HAPLN1: variants seen among roughly 807,000 people sequenced by gnomAD.
The protein encoded by HAPLN1 is Cartilage link protein.
HAPLN1 carries 13 observed loss-of-function variants against 36.5 expected under a neutral mutation model. The observed-to-expected ratio is 0.36, with a 90% CI of 0.23 to 0.57. The LOEUF is 0.57. Among genes scored for constraint, HAPLN1 ranks in the 20% least tolerant of loss-of-function variants. The pLI is 0.83. For synonymous variants in HAPLN1, 202 were observed against 169.8 expected (o/e 1.19, Z -1.48); for missense variants, 407 against 439.7 (o/e 0.93, Z 0.66).
At chr5:83,716,798 G>A (rs1561328117) in intron 1 of HAPLN1, among the ~76,000 whole-genome samples, 1 of 152,190 alleles carries the variant, frequency 6.6e-6, no homozygotes. Flanking sequence ...TTGGGAGGCC[G>A]AGGCGGGTGG....
intron 2 of HAPLN1, among the ~76,000 whole-genome samples, chr5:83,654,949 C>G (rs1750171709): frequency 6.6e-6 from 1 of 152,174 alleles, no homozygotes; most frequent in Admixed American, 6.5e-5. Flanking sequence ...GCACTTAGGA[C>G]AATGGCTGAC....
chr5:83,710,566 A>C (rs1436645589), intron 1 of HAPLN1, among the ~76,000 whole-genome samples: 2 of 152,260 alleles, frequency 1.3e-5, no homozygotes, highest in East Asian at 3.9e-4. Flanking sequence ...AGTGGCTCTC[A>C]TGAAAAGGAG....
At chr5:83,654,759 A>T (rs58203104) in intron 2 of HAPLN1, among the ~76,000 whole-genome samples, 4,227 of 152,292 alleles carry the variant, frequency 0.028, 203 homozygotes, top group African/African-American at 0.097. Context: ...GGCATAGAGG[A>T]TATCATAGCA....
At chr5:83,651,488 A>C (rs1488566034) in intron 3 of HAPLN1, among the ~76,000 whole-genome samples, 3 of 131,994 alleles carry the variant, frequency 2.3e-5, no homozygotes, top group Non-Finnish European at 4.9e-5. Flanking sequence ...AAAGGTCACA[A>C]AAATGTACTT....
At chr5:83,656,464 TAAATA>T (rs1750219773) in intron 2 of HAPLN1, among the ~76,000 whole-genome samples, 1 of 135,060 alleles carries the variant, frequency 7.4e-6, no homozygotes, top group South Asian at 2.3e-4. Flanking sequence ...CATGGCAAAA[TAAATA>T]AAACTATGTA....
chr5:83,650,694 G>C (rs1750031988), intron 3 of HAPLN1, among the ~76,000 whole-genome samples: 1 of 146,928 alleles, frequency 6.8e-6, no homozygotes, highest in African/African-American at 2.6e-5. Context: ...GAGTGCAGTG[G>C]TGTGATCTCG....
chr5:83,674,489 A>T (rs1027260600), intron 1 of HAPLN1: 1 of 152,180 alleles, frequency 6.6e-6, no homozygotes, highest in African/African-American at 2.4e-5. Context: ...AAAGTTTGTC[A>T]TTGGAAGAAC....
At chr5:83,705,823 G>T in intron 1 of HAPLN1, among the ~76,000 whole-genome samples, 1 of 151,978 alleles carries the variant, frequency 6.6e-6, no homozygotes, top group Non-Finnish European at 1.5e-5. Context: ...TCGAAAGACT[G>T]CTAACTAGGG....
chr5:83,699,373 A>G (rs1408158549), intron 1 of HAPLN1, among the ~76,000 whole-genome samples: 1 of 152,218 alleles, frequency 6.6e-6, no homozygotes, highest in Non-Finnish European at 1.5e-5. Flanking sequence ...AAGGAAATGT[A>G]CAGTTCAGAT....
At chr5:83,665,784 T>C (rs2112587285) in intron 2 of HAPLN1, among the ~76,000 whole-genome samples, 1 of 152,300 alleles carries the variant, frequency 6.6e-6, no homozygotes, top group East Asian at 1.9e-4. Flanking sequence ...TTCAGTATAC[T>C]CCACAGCACA....
chr5:83,677,888 C>T (rs1177794980), intron 1 of HAPLN1, among the ~76,000 whole-genome samples: 1 of 152,166 alleles, frequency 6.6e-6, no homozygotes, highest in East Asian at 1.9e-4. Context: ...CATAAAACTG[C>T]TATTTGGAAT....
intron 2 of HAPLN1, among the ~76,000 whole-genome samples, chr5:83,672,534 T>C (rs983572857): frequency 4.6e-5 from 7 of 152,230 alleles, no homozygotes; most frequent in Admixed American, 4.6e-4. Context: ...AAAATACTTC[T>C]AGACAGATTT....
chr5:83,671,046 A>G (rs950457465), intron 2 of HAPLN1, among the ~76,000 whole-genome samples: 2 of 151,990 alleles, frequency 1.3e-5, no homozygotes, highest in African/African-American at 4.8e-5. Context: ...GTGTGTGTCT[A>G]TATCTCTATA....
At chr5:83,675,537 A>G (rs336961) in intron 1 of HAPLN1, among the ~76,000 whole-genome samples, 93,398 of 151,590 alleles carry the variant, frequency 0.62, 29,125 homozygotes, top group African/African-American at 0.7. Flanking sequence ...TACCACTGCA[A>G]CCATCTTGAA....
intron 1 of HAPLN1, among the ~76,000 whole-genome samples, chr5:83,716,583 C>T (rs1458751391): frequency 1.3e-5 from 2 of 152,156 alleles, no homozygotes; most frequent in Admixed American, 1.3e-4. Context: ...ATGTCTCTAT[C>T]AGTGGGAGAA....
chr5:83,716,803 G>C (rs186015674), intron 1 of HAPLN1, among the ~76,000 whole-genome samples: 1 of 152,142 alleles, frequency 6.6e-6, no homozygotes, highest in African/African-American at 2.4e-5. Flanking sequence ...AGGCCGAGGC[G>C]GGTGGATCAC....
chr5:83,685,236 T>C (rs2112613000), intron 1 of HAPLN1, among the ~76,000 whole-genome samples: 1 of 152,312 alleles, frequency 6.6e-6, no homozygotes, highest in Admixed American at 6.5e-5. Flanking sequence ...GAATGCAAGC[T>C]CCAGGAGGGT....
rs1491185788 is a variant in HAPLN1 at position 83,638,014 on chromosome 5, C to CT, written c.*3481dup. On this transcript the variant is annotated 3_prime_UTR_variant, in exon 5 of 5. Coordinates refer to ENST00000274341, the MANE Select transcript of HAPLN1 (RefSeq NM_001884.4). ...TTGATTTAGCGACACCATATAAATG[C>CT]TCTTTTTTTTTTTTTGACTTTGCAA... is the stretch of plus-strand genomic sequence containing the variant. The CT allele has an allele frequency of 8.0e-6, 1 of 125,040 alleles. No individual in the cohort carries two copies. Among genetic ancestry groups the CT allele is most frequent in the African/African-American group, 3.2e-5 (1 of 31,386 alleles). 7.7% of individuals were successfully genotyped at this position (125,040 alleles called of 1,614,324 possible).
chr5:83,707,896 G>C (rs368075534), intron 1 of HAPLN1, among the ~76,000 whole-genome samples: 19 of 152,208 alleles, frequency 1.2e-4, no homozygotes, highest in African/African-American at 4.6e-4. Context: ...ATTTAAAAGT[G>C]GGCAAAGGAC....
Sources: allele counts gnomAD v4.1 joint callset (sites outside exome capture counted in the v4.1 genomes callset), GRCh38; gene constraint gnomAD v4.1.1; transcripts MANE v1.5; gene names NCBI Gene and HGNC (gene_info 2026-07-23, HGNC 2026-07-21).